The following TLE4 variants were observed in gnomAD, a reference collection of about 807,000 sequenced individuals.
The protein encoded by TLE4 is transducin-like enhancer protein 4.
In TLE4, 8 loss-of-function variants were observed where a neutral mutation model predicts 92.8. The observed-to-expected ratio is 0.09, with a 90% CI of 0.05 to 0.16. The LOEUF is 0.16. TLE4 is among the 10% of genes least tolerant of loss of function. The pLI is 1.00. For missense variants in TLE4, 675 were observed against 997.6 expected (o/e 0.68, Z 4.36); for synonymous variants, 371 against 374.1 (o/e 0.99, Z 0.10).
intron 19 of TLE4, among the ~76,000 whole-genome samples, 184 bp from the exon 20 acceptor site, chr9:79,724,849 TAAAA>T (rs947971071): frequency 3.8e-5 from 1 of 25,990 alleles, no homozygotes; most frequent in South Asian, 3.2e-3. Flanking sequence ...CCTGTCTTAT[TAAAA>T]AAAAAAAAAA....
chr9:79,635,986 C>T (rs1237227272), intron 6 of TLE4, among the ~76,000 whole-genome samples: 2 of 152,066 alleles, frequency 1.3e-5, no homozygotes, highest in South Asian at 2.1e-4. Flanking sequence ...CAAGGTTGAG[C>T]GCATTTTTCC....
intron 4 of TLE4, among the ~76,000 whole-genome samples, 166 bp from the exon 5 acceptor site, chr9:79,612,490 A>G (rs2048587229): frequency 6.6e-6 from 1 of 152,052 alleles, no homozygotes; most frequent in South Asian, 2.1e-4. Context: ...CACTGTTGTC[A>G]CTGCTTCCTT....
chr9:79,723,255 G>C (rs1215364137), intron 19 of TLE4, among the ~76,000 whole-genome samples: 1 of 152,222 alleles, frequency 6.6e-6, no homozygotes, highest in Non-Finnish European at 1.5e-5. Context: ...CCAGTGCTGT[G>C]CCTGATTCAG....
At chr9:79,672,973 A>C (rs1276799202) in intron 8 of TLE4, among the ~76,000 whole-genome samples, 8 of 152,168 alleles carry the variant, frequency 5.3e-5, no homozygotes, top group Non-Finnish European at 1.2e-4. Context: ...GACTCAATTA[A>C]AAATGCTTTT....
chr9:79,677,252 TTTGGCTA>T (rs1394582425), intron 8 of TLE4, among the ~76,000 whole-genome samples: 5 of 152,126 alleles, frequency 3.3e-5, no homozygotes, highest in Admixed American at 6.6e-5. Context: ...AAGTAGTAAT[TTTGGCTA>T]ATTCAAAAAC....
chr9:79,608,618 A>G (rs1445459833), intron 4 of TLE4, among the ~76,000 whole-genome samples: 1 of 152,068 alleles, frequency 6.6e-6, no homozygotes, highest in Non-Finnish European at 1.5e-5. Flanking sequence ...ACGAATGGTA[A>G]AAAGTTATTC....
intron 5 of TLE4, among the ~76,000 whole-genome samples, chr9:79,620,771 G>C (rs1324929770): frequency 2.0e-5 from 3 of 152,130 alleles, no homozygotes; most frequent in Non-Finnish European, 4.4e-5. Flanking sequence ...AGGCTTTATT[G>C]GCTCATGGTT....
chr9:79,573,702 C>T lies in TLE4; in HGVS notation c.59C>T (p.Pro20Leu). 1 of 1,603,660 alleles carries T rather than the reference C, an allele frequency of 6.2e-7. No homozygotes were observed. Among genetic ancestry groups the T allele is most frequent in the Non-Finnish European group, 8.5e-7 (1 of 1,172,416 alleles). The change falls in exon 2 of 20, where the codon CCT (proline) becomes CTT (leucine). Residue 20 changes from proline to leucine, a missense_variant. Transcript: ENST00000376552. ...PQTRHPAPHQ[P>L]AQPFKFTISE... ...GTTGTTCTTCAGGCACCGCATCAGC[C>T]TGCTCAACCCTTTAAATTTACAATT...
At chr9:79,682,718 C>T (rs748611966) in intron 8 of TLE4, among the ~76,000 whole-genome samples, 1 of 152,160 alleles carries the variant, frequency 6.6e-6, no homozygotes, top group Non-Finnish European at 1.5e-5. Context: ...GGACCTTTCC[C>T]CGGCATTTAA....
intron 8 of TLE4, among the ~76,000 whole-genome samples, chr9:79,698,179 A>G (rs1251747115): frequency 1.3e-5 from 2 of 152,204 alleles, no homozygotes. Context: ...GAATTTTCCC[A>G]AGGTCACATA....
At chr9:79,717,446 A>G (rs2074736119) in intron 14 of TLE4, among the ~76,000 whole-genome samples, 1 of 152,094 alleles carries the variant, frequency 6.6e-6, no homozygotes, top group African/African-American at 2.4e-5. Context: ...CCCTCCAGCA[A>G]GTCTCACATA....
At chr9:79,607,293 T>C (rs2047265291) in intron 4 of TLE4, among the ~76,000 whole-genome samples, 1 of 152,186 alleles carries the variant, frequency 6.6e-6, no homozygotes, top group African/African-American at 2.4e-5. Context: ...GGTGGGTAGA[T>C]TGCAAAAATT....
At chr9:79,584,087 G>T (rs1445309518) in intron 4 of TLE4, among the ~76,000 whole-genome samples, 1 of 152,238 alleles carries the variant, frequency 6.6e-6, no homozygotes, top group African/African-American at 2.4e-5. Flanking sequence ...AGGTTGCATA[G>T]TGAGAGTCAC....
chr9:79,698,343 T>G (rs888691424), intron 8 of TLE4, among the ~76,000 whole-genome samples: 2 of 152,244 alleles, frequency 1.3e-5, no homozygotes, highest in Non-Finnish European at 2.9e-5. Flanking sequence ...AAATTTACCT[T>G]GATCCAGGTT....
rs183389136 is a variant in TLE4 at position 79,621,433 on chromosome 9, A to G, written c.316-5941A>G. 1.7e-3 allele frequency among the ~76,000 whole-genome samples: 261 copies of G among 152,324 alleles called. 1 individual carries two copies. Among genetic ancestry groups the G allele is most frequent in the Non-Finnish European group, 2.4e-3 (162 of 68,024 alleles). ...TGTCATATACTTGGAGTGTCAGTCA[A>G]TGGAGGAGAATTTAAAGACAAAACT... On this transcript the variant is annotated intron_variant, in intron 5 of 19. Coordinates refer to ENST00000376552, the MANE Select transcript of TLE4 (RefSeq NM_007005.6).
intron 8 of TLE4, among the ~76,000 whole-genome samples, chr9:79,663,913 GT>G (rs1190530029): frequency 6.6e-6 from 1 of 152,174 alleles, no homozygotes; most frequent in African/African-American, 2.4e-5. Context: ...ATTATGCAGC[GT>G]TTCTCGGACT....
In TLE4 at chr9:79,708,851, C is replaced by A. The variant is rs775448000; in HGVS notation, c.1263+65C>A. The A allele has an allele frequency of 3.3e-6, 5 of 1,500,518 alleles. No homozygotes were observed. In the East Asian group the frequency reaches 7.3e-5, roughly 22 times the overall value. The allele number at this position is 1,500,518 out of a possible 1,614,324, so 93.0% of individuals were successfully genotyped here. A position where few individuals can be genotyped will look rare whatever the true frequency, so the allele number is the denominator to read the frequency against. On this transcript the variant is annotated intron_variant, in intron 13 of 19. Transcript: ENST00000376552. ...GAGGATTGTCATGCTTGATTGATTGCGACAGGGTCTCGCTCTGTCACCCAG... is the reference window on the plus strand; with the variant it reads ...GAGGATTGTCATGCTTGATTGATTGAGACAGGGTCTCGCTCTGTCACCCAG...
At chr9:79,647,954 A>G (rs1216720738) in intron 6 of TLE4, among the ~76,000 whole-genome samples, 1 of 151,660 alleles carries the variant, frequency 6.6e-6, no homozygotes, top group Non-Finnish European at 1.5e-5. Context: ...GAATTTATAC[A>G]TATAGAGACA....
rs558093827 is a variant in TLE4 at position 79,573,461 on chromosome 9, G to A, written c.46-228G>A. 2.7e-5 allele frequency: 29 copies of A among 1,076,806 alleles called. No individual in the cohort carries two copies. In the East Asian group the frequency reaches 3.1e-4, roughly 12 times the overall value. The allele number at this position is 1,076,806 out of a possible 1,614,324, so 66.7% of individuals were successfully genotyped here. On this transcript the variant is annotated intron_variant, in intron 1 of 19. Transcript: ENST00000376552. ...GGGACTCGAACCCTCGGGGTCCGGG[G>A]CGCGGGGGCCTGCGGGCGGGAGTAT...
Sources: gnomAD v4.1 joint callset for allele counts (sites outside exome capture counted in the v4.1 genomes callset) on GRCh38, gnomAD v4.1.1 for gene constraint, MANE v1.5 for transcripts, NCBI Gene and HGNC (gene_info 2026-07-23, HGNC 2026-07-21) for gene names.